The following DIP2C variants were observed in gnomAD, a reference collection of about 807,000 sequenced individuals.
DIP2C encodes the protein disco-interacting protein 2 homolog C.
DIP2C carries 33 observed loss-of-function variants against 192.4 expected under a neutral mutation model. That is an observed-to-expected ratio of 0.17 (90% CI 0.13 to 0.23). DIP2C has a LOEUF of 0.23. Ranked by LOEUF, DIP2C falls within the 10% of genes least tolerant of loss-of-function variation. DIP2C has a pLI of 1.00. For missense variants in DIP2C, 1,537 were observed against 2,110.1 expected (o/e 0.73, Z 5.32); for synonymous variants, 979 against 864.1 (o/e 1.13, Z -2.33).
intron 8 of DIP2C, 50 bp from the exon 9 acceptor site, chr10:409,067 C>T (rs750170774): frequency 1.3e-6 from 2 of 1,584,696 alleles, no homozygotes; most frequent in Non-Finnish European, 8.6e-7. Context: ...ATACGGAGAG[C>T]ACAGCTTCTG....
At chr10:660,761 A>G (rs1387459785) in intron 1 of DIP2C, among the ~76,000 whole-genome samples, 1 of 152,246 alleles carries the variant, frequency 6.6e-6, no homozygotes, top group Non-Finnish European at 1.5e-5. Flanking sequence ...CCTAGCATCA[A>G]GAGTCAGGTG....
At chr10:682,215 G>A (rs79067927) in intron 1 of DIP2C, among the ~76,000 whole-genome samples, 1,707 of 152,296 alleles carry the variant, frequency 0.011, 27 homozygotes, top group African/African-American at 0.039. Flanking sequence ...AGGACCCTGC[G>A]CTGGGCACAC....
chr10:515,503 A>G (rs1224710711), intron 1 of DIP2C, among the ~76,000 whole-genome samples: 2 of 152,136 alleles, frequency 1.3e-5, no homozygotes, highest in Admixed American at 6.5e-5. Flanking sequence ...TGGGCCAATC[A>G]CTTGAGGTAA....
intron 1 of DIP2C, among the ~76,000 whole-genome samples, chr10:627,534 CTTCAA>C (rs1854273024): frequency 6.6e-6 from 1 of 152,236 alleles, no homozygotes; most frequent in Non-Finnish European, 1.5e-5. Flanking sequence ...CAGACAGTGT[CTTCAA>C]CCGAGCGCCA....
At chr10:605,083 C>T (rs537061563) in intron 1 of DIP2C, among the ~76,000 whole-genome samples, 1 of 152,368 alleles carries the variant, frequency 6.6e-6, no homozygotes, top group East Asian at 1.9e-4. Flanking sequence ...TGGTCAGCAT[C>T]ATGCGTGCCT....
chr10:593,880 C>T (rs536386586), intron 1 of DIP2C, among the ~76,000 whole-genome samples: 3 of 152,330 alleles, frequency 2.0e-5, no homozygotes, highest in South Asian at 4.1e-4. Context: ...ACTCGAATGT[C>T]TTCTGAAAGC....
At chr10:673,557 GTGC>G (rs780564716) in intron 1 of DIP2C, among the ~76,000 whole-genome samples, 6 of 152,162 alleles carry the variant, frequency 3.9e-5, no homozygotes, top group Non-Finnish European at 8.8e-5. Context: ...CAGTCGCCGT[GTGC>G]TGCTTCTCCC....
intron 1 of DIP2C, among the ~76,000 whole-genome samples, chr10:585,253 CCT>C (rs1270285535): frequency 6.6e-6 from 1 of 152,212 alleles, no homozygotes; most frequent in Non-Finnish European, 1.5e-5. Flanking sequence ...CCCACGCCAC[CCT>C]GTTTTTCTCT....
At chr10:551,634 C>T (rs549548207) in intron 1 of DIP2C, among the ~76,000 whole-genome samples, 8 of 152,210 alleles carry the variant, frequency 5.3e-5, no homozygotes, top group Non-Finnish European at 7.3e-5. Context: ...GACTCAGCCC[C>T]GAGTGTGAAC....
At chr10:337,453 T>C (rs1243213915) in intron 29 of DIP2C, among the ~76,000 whole-genome samples, 3 of 139,322 alleles carry the variant, frequency 2.2e-5, no homozygotes, top group Non-Finnish European at 4.6e-5. Context: ...TGTGTGCGTG[T>C]GTGTTGTGGA....
chr10:300,568 G>A (rs1955981377), intron 32 of DIP2C, among the ~76,000 whole-genome samples: 1 of 152,170 alleles, frequency 6.6e-6, no homozygotes, highest in Non-Finnish European at 1.5e-5. Context: ...AGCCCTGCGT[G>A]TGTGGAGAAA....
intron 32 of DIP2C, among the ~76,000 whole-genome samples, chr10:294,510 A>G (rs1197996582): frequency 6.6e-6 from 1 of 151,936 alleles, no homozygotes; most frequent in Non-Finnish European, 1.5e-5. Context: ...GGGAGTATCA[A>G]CTGAGTTTGT....
At chr10:558,337 A>AG (rs577553489) in intron 1 of DIP2C, among the ~76,000 whole-genome samples, 55 of 152,296 alleles carry the variant, frequency 3.6e-4, no homozygotes, top group Middle Eastern at 6.8e-3. Context: ...CCAGGATGGG[A>AG]GGACTCGAGT....
At chr10:514,314 C>T (rs1846215028) in intron 1 of DIP2C, among the ~76,000 whole-genome samples, 1 of 152,144 alleles carries the variant, frequency 6.6e-6, no homozygotes, top group Non-Finnish European at 1.5e-5. Flanking sequence ...CAACCCCACT[C>T]CTGGCCCAAT....
chr10:364,946 T>C (rs1364765123), intron 19 of DIP2C: 1 of 537,156 alleles, frequency 1.9e-6, no homozygotes, highest in African/African-American at 1.9e-5. Flanking sequence ...TCAAGGTACA[T>C]TTTAAACAAC....
chr10:443,741 T>C (rs1481317375), intron 3 of DIP2C, among the ~76,000 whole-genome samples: 1 of 152,168 alleles, frequency 6.6e-6, no homozygotes, highest in African/African-American at 2.4e-5. Flanking sequence ...CCTGTTACCC[T>C]CAATATATTC....
At chr10:347,718 C>G (rs1210194934) in intron 26 of DIP2C, among the ~76,000 whole-genome samples, 1 of 146,136 alleles carries the variant, frequency 6.8e-6, no homozygotes, top group African/African-American at 2.6e-5. Context: ...CGCACCCAAC[C>G]CAGACACATC....
At chr10:584,058 C>T (rs183209670) in intron 1 of DIP2C, among the ~76,000 whole-genome samples, 1 of 152,242 alleles carries the variant, frequency 6.6e-6, no homozygotes, top group African/African-American at 2.4e-5. Context: ...GGAGGTGGCC[C>T]CCAAATCCCT....
intron 4 of DIP2C, among the ~76,000 whole-genome samples, chr10:436,439 G>A (rs948148444): frequency 2.0e-5 from 3 of 152,162 alleles, no homozygotes; most frequent in Admixed American, 1.3e-4. Context: ...CACCCACTCC[G>A]ATCTCCGCCT....
Sources: gnomAD v4.1 joint callset for allele counts (sites outside exome capture counted in the v4.1 genomes callset) on GRCh38, gnomAD v4.1.1 for gene constraint, MANE v1.5 for transcripts, NCBI Gene and HGNC (gene_info 2026-07-23, HGNC 2026-07-21) for gene names.